USP33: variants seen among roughly 807,000 people sequenced by gnomAD.
The protein encoded by USP33 is ubiquitin carboxyl-terminal hydrolase 33.
In USP33, 46 loss-of-function variants were observed where a neutral mutation model predicts 124.2. The observed-to-expected ratio is 0.37, with a 90% CI of 0.29 to 0.47. The LOEUF (loss-of-function observed/expected upper bound fraction) is 0.47, where lower values mean the gene tolerates loss of function less well. Ranked by LOEUF, USP33 falls within the 20% of genes least tolerant of loss-of-function variation. The pLI, the probability that USP33 is intolerant of heterozygous loss-of-function variation, is 0.99. For missense variants in USP33, 851 were observed against 1,070.6 expected (o/e 0.79, Z 2.86); for synonymous variants, 350 against 352.3 (o/e 0.99, Z 0.07).
chr1:77,718,040 C>T lies in USP33; in HGVS notation c.1745G>A (p.Cys582Tyr). ...ATGTCTGAATCTTTTAAGGTGGATG[C>T]ACAAAATCTAAAAAAGAATAAAATT... is the stretch of plus-strand genomic sequence containing the variant. ...CKVQNFPEIL[C>Y]IHLKRFRHEL... is the part of the protein sequence containing the mutation. The change falls in exon 17 of 24, where the codon TGC (cysteine) becomes TAC (tyrosine). Residue 582 changes from cysteine to tyrosine, a missense_variant. Physicochemically the swap from Cys to Tyr is radical, Grantham distance 194. Coordinates refer to ENST00000370794, the MANE Select transcript of USP33 (RefSeq NM_201624.3). 2 of 1,586,620 alleles carry T rather than the reference C, an allele frequency of 1.3e-6. No homozygotes were observed. Among genetic ancestry groups the T allele is most frequent in the Non-Finnish European group, 1.7e-6 (2 of 1,168,208 alleles).
intron 21 of USP33, among the ~76,000 whole-genome samples, chr1:77,707,043 C>CT (rs1236715443): frequency 6.6e-6 from 1 of 152,140 alleles, no homozygotes; most frequent in Non-Finnish European, 1.5e-5. Context: ...ACAGTACTGG[C>CT]TGCAATGACT....
chr1:77,711,631 A>C (rs1675274007), intron 21 of USP33, 116 bp downstream of exon 21: 2 of 1,498,184 alleles, frequency 1.3e-6, no homozygotes, highest in Non-Finnish European at 1.8e-6. Flanking sequence ...CACCTAGAAC[A>C]CTTGAAATCT....
At chr1:77,753,741 T>C (rs1680556488) in intron 1 of USP33, among the ~76,000 whole-genome samples, 1 of 151,436 alleles carries the variant, frequency 6.6e-6, no homozygotes. Flanking sequence ...TCTAAAACAC[T>C]GATCTAATTA....
intron 5 of USP33, among the ~76,000 whole-genome samples, chr1:77,738,671 G>A (rs1310801534): frequency 3.3e-5 from 5 of 152,036 alleles, no homozygotes; most frequent in East Asian, 1.9e-4. Context: ...TAGTAGAGAC[G>A]GGGTGTCACC....
intron 7 of USP33, among the ~76,000 whole-genome samples, chr1:77,731,170 G>T (rs1306684202): frequency 6.6e-6 from 1 of 152,074 alleles, no homozygotes; most frequent in African/African-American, 2.4e-5. Flanking sequence ...TCCCCTGGGC[G>T]ATCTAAAATT....
intron 7 of USP33, among the ~76,000 whole-genome samples, chr1:77,731,986 C>G (rs189293947): frequency 6.6e-6 from 1 of 151,728 alleles, no homozygotes; most frequent in African/African-American, 2.4e-5. Flanking sequence ...CACCTGTGGT[C>G]GTAGCTACTT....
At chr1:77,711,196 TA>T (rs879435761) in intron 21 of USP33, among the ~76,000 whole-genome samples, 419 of 140,462 alleles carry the variant, frequency 3.0e-3, no homozygotes, top group South Asian at 2.9e-3. Context: ...GCCAATACAT[TA>T]AAAAAAAAAA....
rs558102150 is a variant in USP33 at position 77,751,380 on chromosome 1, T to C, written c.-52+8263A>G. 2.0e-5 allele frequency among the ~76,000 whole-genome samples: 3 copies of C among 152,248 alleles called. No homozygotes were observed. The South Asian group carries it at 6.2e-4, about 32-fold the overall frequency. The stretch of plus-strand genomic sequence containing the variant: ...TGCAAAACTGCTTCTGGGCTGGGCA[T>C]GGTGGCTCGCACCTGTAATCCCAGC... On this transcript the variant is annotated intron_variant, in intron 1 of 23. Coordinates refer to ENST00000370794, the MANE Select transcript of USP33 (RefSeq NM_201624.3).
At chr1:77,750,641 AAAGAAAG>A (rs1680225830) in intron 1 of USP33, among the ~76,000 whole-genome samples, 20 of 144,116 alleles carry the variant, frequency 1.4e-4, no homozygotes, top group Admixed American at 3.4e-4. Flanking sequence ...AGAAAGAAAG[AAAGAAAG>A]AAAGAAAGAA....
chr1:77,736,963 C>A (rs546152221), intron 5 of USP33, among the ~76,000 whole-genome samples: 1 of 151,718 alleles, frequency 6.6e-6, no homozygotes, highest in African/African-American at 2.4e-5. Context: ...TAATAATATT[C>A]TAATATTAAT....
In USP33 at chr1:77,739,403, A is replaced by G; in HGVS notation, c.213T>C (p.Tyr71=). The change falls in exon 5 of 24, where the codon TAT becomes TAC. Residue 71 remains tyrosine (Y), a synonymous_variant. Transcript: ENST00000370794. ...GAAGAGTGGTAAGGTTCACAGTTAG[A>G]TAATGCTTTGTCTCCTATATAATTT... is the stretch of plus-strand genomic sequence containing the variant. ...STIHSQETKH[Y]LTVNLTTLRV... 1.2e-6 allele frequency: 2 copies of G among 1,607,682 alleles called. No individual in the cohort carries two copies. Among genetic ancestry groups the G allele is most frequent in the East Asian group, 2.2e-5 (1 of 44,590 alleles).
chr1:77,716,660 C>T (rs1486243881), intron 17 of USP33, among the ~76,000 whole-genome samples: 2 of 152,142 alleles, frequency 1.3e-5, no homozygotes, highest in African/African-American at 2.4e-5. Context: ...CATGGGTAAA[C>T]AAGCTAGTGA....
At chr1:77,708,598 T>A (rs550009245) in intron 21 of USP33, among the ~76,000 whole-genome samples, 2 of 152,354 alleles carry the variant, frequency 1.3e-5, no homozygotes, top group East Asian at 3.9e-4. Flanking sequence ...TTTTTAAAAC[T>A]CTGAAGCAAT....
At chr1:77,703,661 T>A (rs1674289272) in intron 21 of USP33, among the ~76,000 whole-genome samples, 2 of 152,066 alleles carry the variant, frequency 1.3e-5, no homozygotes, top group South Asian at 4.1e-4. Context: ...ACCTGACTCC[T>A]CCCCCTCACC....
intron 5 of USP33, 78 bp from the exon 6 acceptor site, chr1:77,736,236 T>G: frequency 1.2e-6 from 1 of 838,680 alleles, no homozygotes; most frequent in Admixed American, 2.9e-5. Context: ...TTATATAACA[T>G]CTATACCATA....
chr1:77,706,347 T>A (rs1032516144), intron 21 of USP33, among the ~76,000 whole-genome samples: 1 of 152,222 alleles, frequency 6.6e-6, no homozygotes, highest in Non-Finnish European at 1.5e-5. Flanking sequence ...TTAAGGGTAA[T>A]TCCTATCCAA....
intron 1 of USP33, among the ~76,000 whole-genome samples, chr1:77,750,278 A>G (rs1680173210): frequency 6.6e-6 from 1 of 152,082 alleles, no homozygotes; most frequent in Non-Finnish European, 1.5e-5. Flanking sequence ...TGATCACGCC[A>G]CTGCACACCA....
chr1:77,741,153 TA>T (rs1485531932), intron 3 of USP33, among the ~76,000 whole-genome samples: 1 of 152,158 alleles, frequency 6.6e-6, no homozygotes, highest in Non-Finnish European at 1.5e-5. Flanking sequence ...TCATTTCTAA[TA>T]AAAGGCAAGC....
chr1:77,705,938 G>C (rs375880032), intron 21 of USP33, among the ~76,000 whole-genome samples: 1 of 152,028 alleles, frequency 6.6e-6, no homozygotes, highest in African/African-American at 2.4e-5. Flanking sequence ...TCTTACACTT[G>C]GCATAATGTT....
Sources: allele counts gnomAD v4.1 joint callset (sites outside exome capture counted in the v4.1 genomes callset), GRCh38; gene constraint gnomAD v4.1.1; transcripts MANE v1.5; gene names NCBI Gene and HGNC (gene_info 2026-07-23, HGNC 2026-07-21).